Variants in MORC3 observed in about 807,000 individuals in gnomAD.
MORC3 encodes MORC family CW-type zinc finger 3.
Under a neutral mutation model 109.1 loss-of-function variants are expected in MORC3, and 31 were observed. The observed-to-expected ratio is 0.28, with a 90% CI of 0.21 to 0.38. The LOEUF (loss-of-function observed/expected upper bound fraction) is 0.38. Among genes scored for constraint, MORC3 ranks in the 10% least tolerant of loss-of-function variants. MORC3 has a pLI of 1.00. For missense variants in MORC3, 867 were observed against 1,135.8 expected, an observed-to-expected ratio of 0.76 and a Z score of 3.40; for synonymous variants, 395 against 380.7, an observed-to-expected ratio of 1.04 and a Z score of -0.44.
At chr21:36,330,820 A>G (rs4816531) in intron 1 of MORC3, among the ~76,000 whole-genome samples, 111,214 of 152,122 alleles carry the variant, frequency 0.73, 41,739 homozygotes, top group East Asian at 1. Flanking sequence ...TCACTTTTGA[A>G]AAAAGACTTC....
At chr21:36,334,309 A>G (rs556063401) in intron 2 of MORC3, among the ~76,000 whole-genome samples, 67 of 152,332 alleles carry the variant, frequency 4.4e-4, no homozygotes, top group Non-Finnish European at 7.8e-4. Context: ...CATAACAGCT[A>G]TTCACATGGA....
In MORC3 at chr21:36,332,188, A is replaced by G. The variant is rs1045957909; in HGVS notation, c.40-1458A>G. Among the ~76,000 whole-genome samples the G allele has an allele frequency of 2.8e-4, 43 of 152,126 alleles. 1 individual carries two copies. Among genetic ancestry groups the G allele is most frequent in the Admixed American group, 1.4e-3 (21 of 15,262 alleles). ...GGTGGCTTACACCTGTAATCCCAGC[A>G]CTTTGGGAGGCTGAAGAGGGTGAAT... On this transcript the variant is annotated intron_variant, in intron 1 of 16. Transcript: ENST00000400485.
At chr21:36,366,680 CCT>C (rs2085785452) in intron 14 of MORC3, among the ~76,000 whole-genome samples, 1 of 152,172 alleles carries the variant, frequency 6.6e-6, no homozygotes, top group African/African-American at 2.4e-5. Flanking sequence ...GTCTCAAACT[CCT>C]AAGCTCAGGC....
At chr21:36,368,706 A>C (rs971980965) in intron 14 of MORC3, among the ~76,000 whole-genome samples, 1 of 152,150 alleles carries the variant, frequency 6.6e-6, no homozygotes, top group Non-Finnish European at 1.5e-5. Flanking sequence ...GGGAAACCCC[A>C]TCTGTACTAA....
At chr21:36,330,233 G>C (rs1291826663) in intron 1 of MORC3, among the ~76,000 whole-genome samples, 1 of 151,770 alleles carries the variant, frequency 6.6e-6, no homozygotes, top group Admixed American at 6.6e-5. Flanking sequence ...TAAGAGTCAG[G>C]CACCCTTTTC....
chr21:36,370,352 C>T (rs2085841072), intron 15 of MORC3, among the ~76,000 whole-genome samples: 1 of 152,036 alleles, frequency 6.6e-6, no homozygotes, highest in Non-Finnish European at 1.5e-5. Context: ...ATTTTTGGTT[C>T]TTCCAATGTC....
In MORC3 at chr21:36,344,539, A is replaced by G. The variant is rs1284068917; in HGVS notation, c.757-40A>G. 6.3e-6 allele frequency: 10 copies of G among 1,594,998 alleles called. No individual in the cohort carries two copies. In the South Asian group the frequency reaches 7.9e-5, roughly 13 times the overall value. Reference sequence around the variant, plus strand: ...AATCCATGTCTAAGTAATGGTGAGCAAACCTGTAGATACTAACTTCTTGTT... The same window carrying G: ...AATCCATGTCTAAGTAATGGTGAGCGAACCTGTAGATACTAACTTCTTGTT... On this transcript the variant is annotated intron_variant, in intron 6 of 16. Coordinates refer to ENST00000400485, the MANE Select transcript of MORC3 (RefSeq NM_015358.3).
At chr21:36,370,502 A>G (rs2146342327) in intron 15 of MORC3, among the ~76,000 whole-genome samples, 1 of 151,286 alleles carries the variant, frequency 6.6e-6, no homozygotes, top group African/African-American at 2.4e-5. Context: ...TTTTAAGTAT[A>G]GTTAATCCTT....
At chr21:36,344,261 A>G (rs906143141) in intron 6 of MORC3, among the ~76,000 whole-genome samples, 1 of 150,548 alleles carries the variant, frequency 6.6e-6, no homozygotes, top group Non-Finnish European at 1.5e-5. Context: ...TTTTGTACAT[A>G]TATACATTTT....
chr21:36,362,665 C>G (rs1448952707), intron 13 of MORC3, among the ~76,000 whole-genome samples: 1 of 152,038 alleles, frequency 6.6e-6, no homozygotes, highest in Non-Finnish European at 1.5e-5. Context: ...GTATGAGCCA[C>G]CACACCTGTC....
chr21:36,366,913 G>A (rs1003079386), intron 14 of MORC3, among the ~76,000 whole-genome samples: 1 of 152,174 alleles, frequency 6.6e-6, no homozygotes, highest in African/African-American at 2.4e-5. Flanking sequence ...AGAAGTACTT[G>A]ATACAGCAAA....
chr21:36,367,519 C>T (rs992622977), intron 14 of MORC3, among the ~76,000 whole-genome samples: 1 of 151,572 alleles, frequency 6.6e-6, no homozygotes, highest in East Asian at 1.9e-4. Flanking sequence ...GCTTAACAGT[C>T]GGAAGATAGA....
Position 36,338,975 on chromosome 21 carries a change from T to G in MORC3, c.608+54T>G. Reference sequence around the variant, plus strand: ...TGGGAAGTAAAGTGCACGTGCAGGGTGGTGGTGTTATATTCATCTCTCGTT... The same window carrying G: ...TGGGAAGTAAAGTGCACGTGCAGGGGGGTGGTGTTATATTCATCTCTCGTT... On this transcript the variant is annotated intron_variant, in intron 5 of 16. Coordinates refer to ENST00000400485, the MANE Select transcript of MORC3 (RefSeq NM_015358.3). 3.8e-6 allele frequency: 6 copies of G among 1,579,560 alleles called. No homozygotes were observed. The South Asian group carries it at 6.7e-5, about 18-fold the overall frequency.
Position 36,338,794 on chromosome 21 carries a change from G to A in MORC3, c.481G>A (p.Glu161Lys). ...TATACGACAGATGATTAATTTAGCAGAATCAAAAGCCAGCCTTGCTGCAAT... is the reference window on the plus strand; with the variant it reads ...TATACGACAGATGATTAATTTAGCAAAATCAAAAGCCAGCCTTGCTGCAAT... ...NKHRQMINLA[E>K]SKASLAAILE... The change falls in exon 5 of 17, where the codon GAA (glutamate) becomes AAA (lysine). Residue 161 changes from glutamate (E) to lysine (K), a missense_variant. By Grantham distance (56) the Glu-to-Lys change is moderately conservative. Coordinates refer to ENST00000400485, the MANE Select transcript of MORC3 (RefSeq NM_015358.3). 6.2e-7 allele frequency: 1 copy of A among 1,613,570 alleles called. No homozygotes were observed. The highest frequency in any genetic ancestry group is 8.5e-7 in the Non-Finnish European group (1 of 1,179,638).
At position 36,369,546 on chromosome 21, in the gene MORC3, G is replaced by C. The variant is rs748815841; in HGVS notation, c.2178G>C (p.Val726=). The change falls in exon 15 of 17, where the codon GTG becomes GTC. Residue 726 remains valine (V), a synonymous_variant. Coordinates refer to ENST00000400485, the MANE Select transcript of MORC3 (RefSeq NM_015358.3). ...QCHMFTDQIK[V]LQQRILEMND... ...ATATGTTTACTGATCAAATCAAAGT[G>C]TTACAACAGAGGATACTAGAAATGA... is the stretch of plus-strand genomic sequence containing the variant. The C allele has an allele frequency of 6.2e-7, 1 of 1,614,076 alleles. No homozygotes were observed. The highest frequency in any genetic ancestry group is 8.5e-7 in the Non-Finnish European group (1 of 1,180,038).
intron 1 of MORC3, 187 bp downstream of exon 1, chr21:36,320,490 G>A (rs951437330): frequency 1.6e-4 from 79 of 480,922 alleles, no homozygotes; most frequent in Non-Finnish European, 1.8e-4. Context: ...GCCGGGCTGC[G>A]TTCCGTCGCC....
intron 5 of MORC3, 115 bp from the exon 6 acceptor site, chr21:36,341,284 C>T (rs892623890): frequency 1.4e-5 from 13 of 960,298 alleles, no homozygotes; most frequent in Admixed American, 6.0e-5. Flanking sequence ...CCCCCACTGA[C>T]GTGCACCATG....
chr21:36,340,618 T>C (rs1262164604), intron 5 of MORC3, among the ~76,000 whole-genome samples: 3 of 146,178 alleles, frequency 2.1e-5, no homozygotes, highest in African/African-American at 7.4e-5. Context: ...TTTTCTTTCT[T>C]TTCTTTTCTT....
At chr21:36,337,398 A>G (rs1396547784) in intron 3 of MORC3, among the ~76,000 whole-genome samples, 3 of 152,304 alleles carry the variant, frequency 2.0e-5, no homozygotes, top group Non-Finnish European at 2.9e-5. Flanking sequence ...ATACTCAGCT[A>G]TTTAGTCAGG....
Sources: allele counts gnomAD v4.1 joint callset (sites outside exome capture counted in the v4.1 genomes callset), GRCh38; gene constraint gnomAD v4.1.1; transcripts MANE v1.5; gene names NCBI Gene and HGNC (gene_info 2026-07-23, HGNC 2026-07-21).